The following GPC5 variants were observed in gnomAD, a reference collection of about 807,000 sequenced individuals.
The protein encoded by GPC5 is glypican 5.
GPC5 carries 47 observed loss-of-function variants against 53.9 expected under a neutral mutation model. The ratio of observed to expected loss-of-function variants is 0.87; its 90% confidence interval spans 0.69 to 1.11. The LOEUF (loss-of-function observed/expected upper bound fraction) is 1.11. Among genes scored for constraint, GPC5 ranks in the 50% most tolerant of loss-of-function variants. The probability of loss-of-function intolerance (pLI) is 0.00; values close to 1 mark genes in which losing one functional copy is unlikely to be tolerated. For synonymous variants in GPC5, 286 were observed against 263.3 expected, an observed-to-expected ratio of 1.09 and a Z score of -0.84; for missense variants, 748 against 713.1, an observed-to-expected ratio of 1.05 and a Z score of -0.56.
rs187379955 is a variant in GPC5, at chr13:91,556,548, T to A, written c.325+107626T>A. Among the ~76,000 whole-genome samples, 1,062 of 150,598 alleles carry A rather than the reference T, an allele frequency of 7.1e-3. 5 individuals are homozygous for A. The highest frequency in any genetic ancestry group is 0.011 in the Non-Finnish European group (774 of 67,614). On this transcript the variant is annotated intron_variant, in intron 2 of 7. Transcript: ENST00000377067. Reference sequence around the variant, plus strand: ...TATATATATATATATAAAATGTGTGTGTGTGTGTATATATATATATATACA... The same window carrying A: ...TATATATATATATATAAAATGTGTGAGTGTGTGTATATATATATATATACA...
intron 2 of GPC5, among the ~76,000 whole-genome samples, chr13:91,653,134 A>C (rs2034757618): frequency 6.6e-6 from 1 of 152,224 alleles, no homozygotes; most frequent in African/African-American, 2.4e-5. Context: ...TAACAAAAAG[A>C]TGACAACTCC....
intron 7 of GPC5, among the ~76,000 whole-genome samples, chr13:92,304,797 C>A (rs542222850): frequency 6.6e-6 from 1 of 152,028 alleles, no homozygotes; most frequent in Non-Finnish European, 1.5e-5. Flanking sequence ...TGTTTCTCTC[C>A]TCTTAAATTT....
intron 7 of GPC5, among the ~76,000 whole-genome samples, chr13:92,493,032 A>T (rs559165387): frequency 6.6e-6 from 1 of 152,326 alleles, no homozygotes; most frequent in South Asian, 2.1e-4. Context: ...TGCTTTCTGA[A>T]TTCACACTGA....
intron 7 of GPC5, among the ~76,000 whole-genome samples, chr13:92,485,567 A>G (rs549859060): frequency 5.9e-5 from 9 of 152,354 alleles, no homozygotes; most frequent in African/African-American, 2.2e-4. Flanking sequence ...GCAAATAGTA[A>G]TTGAGCAATA....
At chr13:92,140,792 C>T (rs558623695) in intron 6 of GPC5, among the ~76,000 whole-genome samples, 221 of 152,180 alleles carry the variant, frequency 1.5e-3, no homozygotes, top group South Asian at 8.5e-3. Context: ...TAATGACACA[C>T]GAATAGTGGA....
intron 1 of GPC5, among the ~76,000 whole-genome samples, chr13:91,441,241 C>A (rs1253687776): frequency 6.6e-6 from 1 of 152,110 alleles, no homozygotes; most frequent in Non-Finnish European, 1.5e-5. Context: ...CAAGTCAGAC[C>A]CTTTTTGTTT....
intron 7 of GPC5, among the ~76,000 whole-genome samples, chr13:92,161,939 A>T (rs2041990899): frequency 7.3e-6 from 1 of 137,628 alleles, no homozygotes; most frequent in Admixed American, 7.5e-5. Flanking sequence ...ATATTTGCCT[A>T]TTAAGTAATA....
chr13:92,032,182 A>G (rs548345071), intron 6 of GPC5, among the ~76,000 whole-genome samples: 15 of 149,908 alleles, frequency 1.0e-4, no homozygotes, highest in South Asian at 6.2e-4. Flanking sequence ...TAACTCAGGA[A>G]TGGAAAACCA....
chr13:92,164,296 C>T (rs1187547543), intron 7 of GPC5, among the ~76,000 whole-genome samples: 1 of 152,144 alleles, frequency 6.6e-6, no homozygotes, highest in Non-Finnish European at 1.5e-5. Flanking sequence ...AAGACAAGTC[C>T]CTTCTACCTA....
At chr13:91,465,429 T>C (rs1247596085) in intron 2 of GPC5, among the ~76,000 whole-genome samples, 1 of 152,210 alleles carries the variant, frequency 6.6e-6, no homozygotes, top group African/African-American at 2.4e-5. Context: ...TGTAGCCTTC[T>C]GTGTCTGGCT....
chr13:91,648,534 T>G (rs1185250350), intron 2 of GPC5, among the ~76,000 whole-genome samples: 1 of 152,140 alleles, frequency 6.6e-6, no homozygotes, highest in African/African-American at 2.4e-5. Context: ...TTCAGATTAC[T>G]TTTATTATTT....
intron 7 of GPC5, among the ~76,000 whole-genome samples, chr13:92,170,716 T>C (rs1386436353): frequency 3.9e-5 from 6 of 152,136 alleles, no homozygotes; most frequent in Non-Finnish European, 8.8e-5. Flanking sequence ...TAAGCCACCA[T>C]GCCCAGCTAA....
Position 91,852,534 on chromosome 13 carries a change from A to G in GPC5, c.1281-55403A>G, listed in dbSNP as rs553484943. ...TTTGCTTGTAAGCAAATAATGCATC[A>G]TGAACATTTCTCTCTATTAAGGAAA... On this transcript the variant is annotated intron_variant, in intron 5 of 7. Transcript: ENST00000377067. Among the ~76,000 whole-genome samples, 212 of 151,920 alleles carry G rather than the reference A, an allele frequency of 1.4e-3. 1 individual carries two copies. The highest frequency in any genetic ancestry group is 4.4e-3 in the African/African-American group (183 of 41,458).
chr13:92,408,163 G>A (rs1875876047), intron 7 of GPC5, among the ~76,000 whole-genome samples: 1 of 152,152 alleles, frequency 6.6e-6, no homozygotes, highest in African/African-American at 2.4e-5. Flanking sequence ...ACTGTGAACT[G>A]CCCATGCGAG....
chr13:91,973,674 T>C (rs140668723), intron 6 of GPC5, among the ~76,000 whole-genome samples: 3,579 of 152,286 alleles, frequency 0.024, 132 homozygotes, highest in African/African-American at 0.082. Flanking sequence ...TTTGTTAGTT[T>C]TCCTTCTAAC....
At chr13:92,849,365 T>G (rs748897873) in intron 7 of GPC5, among the ~76,000 whole-genome samples, 16 of 152,238 alleles carry the variant, frequency 1.1e-4, no homozygotes, top group Non-Finnish European at 2.2e-4. Flanking sequence ...TATAGCAATT[T>G]ATAATACACA....
intron 7 of GPC5, among the ~76,000 whole-genome samples, chr13:92,186,704 A>T (rs1593974362): frequency 6.6e-6 from 1 of 152,268 alleles, no homozygotes; most frequent in South Asian, 2.1e-4. Flanking sequence ...AGGATTGGTG[A>T]CTTGCCCACT....
intron 7 of GPC5, among the ~76,000 whole-genome samples, chr13:92,466,074 A>C (rs1281869491): frequency 6.6e-6 from 1 of 152,068 alleles, no homozygotes; most frequent in Non-Finnish European, 1.5e-5. Context: ...CAAAGGAATG[A>C]TACAAATGTG....
intron 6 of GPC5, among the ~76,000 whole-genome samples, chr13:91,959,486 T>C (rs1324857953): frequency 6.6e-6 from 1 of 151,936 alleles, no homozygotes; most frequent in Non-Finnish European, 1.5e-5. Flanking sequence ...CTAATACTAG[T>C]TCTCCTCAAA....
Sources: gnomAD v4.1 joint callset for allele counts (sites outside exome capture counted in the v4.1 genomes callset) on GRCh38, gnomAD v4.1.1 for gene constraint, MANE v1.5 for transcripts, NCBI Gene and HGNC (gene_info 2026-07-23, HGNC 2026-07-21) for gene names.